CNOT6L: variants seen among roughly 807,000 people sequenced by gnomAD.
CNOT6L encodes CCR4-NOT transcription complex subunit 6 like.
A neutral mutation model predicts 64.0 loss-of-function variants in CNOT6L; 7 were observed. The observed-to-expected ratio is 0.11, with a 90% confidence interval of 0.06 to 0.21. The LOEUF (loss-of-function observed/expected upper bound fraction) is 0.21. CNOT6L is among the 10% of genes least tolerant of loss of function. The pLI is 1.00. For missense variants in CNOT6L, 245 were observed against 669.0 expected (o/e 0.37, Z 6.99); for synonymous variants, 193 against 243.4 (o/e 0.79, Z 1.93).
In CNOT6L at chr4:77,773,179, A is replaced by C; in HGVS notation, c.315-13T>G. 1 of 1,512,538 alleles carries C rather than the reference A, an allele frequency of 6.6e-7. No homozygotes were observed. The highest frequency in any genetic ancestry group is 8.9e-7 in the Non-Finnish European group (1 of 1,127,062). 93.7% of individuals were successfully genotyped at this position (1,512,538 alleles called of 1,614,324 possible). A position where few individuals can be genotyped will look rare whatever the true frequency, so the allele number is the denominator to read the frequency against. On this transcript the variant is annotated splice_polypyrimidine_tract_variant and intron_variant, in intron 3 of 11. Coordinates refer to ENST00000504123, the MANE Select transcript of CNOT6L (RefSeq NM_144571.3). ...TAAAAGCAATTCCCTGTTTTAAAAAAAAAAAAAAAATTAGTTTAATATACT... is the reference window on the plus strand; with the variant it reads ...TAAAAGCAATTCCCTGTTTTAAAAACAAAAAAAAAATTAGTTTAATATACT...
chr4:77,776,457 T>C (rs1728158431), intron 1 of CNOT6L, 65 bp from the exon 2 acceptor site: 1 of 1,188,948 alleles, frequency 8.4e-7, no homozygotes, highest in Non-Finnish European at 1.2e-6. Context: ...AAAGAGAAAA[T>C]AGGATGGTAA....
chr4:77,770,855 G>GA (rs1461887879), intron 4 of CNOT6L, among the ~76,000 whole-genome samples: 1 of 152,078 alleles, frequency 6.6e-6, no homozygotes, highest in African/African-American at 2.4e-5. Flanking sequence ...CTGAATGAAG[G>GA]ACTAAGGAGA....
At chr4:77,800,214 C>T (rs1010560828) in intron 1 of CNOT6L, among the ~76,000 whole-genome samples, 5 of 152,090 alleles carry the variant, frequency 3.3e-5, no homozygotes, top group African/African-American at 1.2e-4. Flanking sequence ...TTAAGTCTTA[C>T]ACAAAGGCCA....
At chr4:77,749,820 T>C (rs948691133) in intron 5 of CNOT6L, among the ~76,000 whole-genome samples, 3 of 152,184 alleles carry the variant, frequency 2.0e-5, no homozygotes, top group Non-Finnish European at 4.4e-5. Flanking sequence ...AGTACAGCTA[T>C]CTTGAGAACA....
Position 77,773,079 on chromosome 4 carries a change from A to G in CNOT6L, c.400+2T>C. 6.3e-7 allele frequency: 1 copy of G among 1,586,694 alleles called. No individual in the cohort carries two copies. The highest frequency in any genetic ancestry group is 8.6e-7 in the Non-Finnish European group (1 of 1,165,184). ...CCTCAAAACTGTTTAAAAATCACTTACCTTTCAAACCTAGAGTTTGTAGCT... is the reference window on the plus strand; with the variant it reads ...CCTCAAAACTGTTTAAAAATCACTTGCCTTTCAAACCTAGAGTTTGTAGCT... On this transcript the variant is annotated splice_donor_variant, in intron 4 of 11. Transcript: ENST00000504123. LOFTEE classifies it high-confidence loss of function.
chr4:77,816,042 C>T (rs987730956), intron 1 of CNOT6L, among the ~76,000 whole-genome samples: 1 of 152,152 alleles, frequency 6.6e-6, no homozygotes, highest in African/African-American at 2.4e-5. Context: ...AAATTAAAGA[C>T]ATTAATAACA....
intron 4 of CNOT6L, among the ~76,000 whole-genome samples, chr4:77,767,972 T>A (rs1455780325): frequency 7.0e-6 from 1 of 142,336 alleles, no homozygotes; most frequent in Non-Finnish European, 1.5e-5. Context: ...AGAGCGAGAC[T>A]TTGTCCCCAA....
intron 1 of CNOT6L, among the ~76,000 whole-genome samples, chr4:77,787,682 T>A (rs947087838): frequency 6.6e-6 from 1 of 152,222 alleles, no homozygotes; most frequent in African/African-American, 2.4e-5. Context: ...CACTATCTAT[T>A]TCTAAATTTG....
At chr4:77,755,241 T>G (rs1337464999) in intron 5 of CNOT6L, among the ~76,000 whole-genome samples, 7 of 128,692 alleles carry the variant, frequency 5.4e-5, no homozygotes, top group African/African-American at 1.5e-4. Flanking sequence ...TTTTTTTTTT[T>G]TTTTTTTTTT....
upstream of CNOT6L, chr4:77,819,377 G>C: frequency 6.6e-7 from 1 of 1,520,298 alleles, no homozygotes; most frequent in East Asian, 2.5e-5. Context: ...ACACAAACAC[G>C]CGCGCGCGCG....
At chr4:77,755,464 T>C (rs1725457505) in intron 5 of CNOT6L, among the ~76,000 whole-genome samples, 1 of 152,074 alleles carries the variant, frequency 6.6e-6, no homozygotes, top group African/African-American at 2.4e-5. Flanking sequence ...ATCTCCCCAC[T>C]TGGCCTCCCA....
At position 77,748,317 on chromosome 4, in the gene CNOT6L, T is replaced by G. The variant is rs749113426; in HGVS notation, c.558A>C (p.Ser186=). 1.2e-6 allele frequency: 2 copies of G among 1,601,538 alleles called. No individual in the cohort carries two copies. The highest frequency in any genetic ancestry group is 1.7e-6 in the Non-Finnish European group (2 of 1,169,070). Residue 186 remains serine, a splice_region_variant and synonymous_variant, in exon 6 of 12, where the codon TCA becomes TCC. Coordinates refer to ENST00000504123, the MANE Select transcript of CNOT6L (RefSeq NM_144571.3). ...GGAAGAATAAGAAAAACTATTTACC[T>G]GACGGCAGAATTTGGTCTCGTTCTT... is the stretch of plus-strand genomic sequence containing the variant. The part of the protein sequence containing the change: ...TLKERDQILP[S]ASFTVMCYNV...
intron 1 of CNOT6L, chr4:77,819,093 C>CACACACACACACACACACACACA: frequency 1.2e-6 from 1 of 813,746 alleles, no homozygotes; most frequent in African/African-American, 1.9e-5. Flanking sequence ...CCTTCGCCCG[C>CACACACACACACACACACACACA]CTCTGAAGAG....
chr4:77,800,980 A>AT (rs2110142293), intron 1 of CNOT6L, among the ~76,000 whole-genome samples: 1 of 152,358 alleles, frequency 6.6e-6, no homozygotes, highest in Non-Finnish European at 1.5e-5. Context: ...CTACAAAAGT[A>AT]TCCACTCTAC....
In CNOT6L at chr4:77,759,362, G is replaced by A. The variant is rs371060863; in HGVS notation, c.401-2411C>T. 1.1e-3 allele frequency among the ~76,000 whole-genome samples: 160 copies of A among 151,856 alleles called. 1 individual carries two copies. The highest frequency in any genetic ancestry group is 3.2e-3 in the African/African-American group (134 of 41,456). The stretch of plus-strand genomic sequence containing the variant: ...GGGTGGATCATGAGGTCAGGAGAGC[G>A]AAACCATCCTGGCTAACACAGTGAA... On this transcript the variant is annotated intron_variant, in intron 4 of 11. Coordinates refer to ENST00000504123, the MANE Select transcript of CNOT6L (RefSeq NM_144571.3).
intron 2 of CNOT6L, among the ~76,000 whole-genome samples, chr4:77,775,401 C>T (rs1251768916): frequency 6.6e-6 from 1 of 152,004 alleles, no homozygotes; most frequent in Non-Finnish European, 1.5e-5. Context: ...AAGAAAAATA[C>T]TTATATTCTA....
intron 1 of CNOT6L, among the ~76,000 whole-genome samples, chr4:77,793,891 C>T (rs1175405500): frequency 6.6e-6 from 1 of 151,906 alleles, no homozygotes; most frequent in Non-Finnish European, 1.5e-5. Flanking sequence ...TGGCTAACAC[C>T]TGTAATCCCA....
chr4:77,732,155 G>A (rs1393240523), intron 8 of CNOT6L, among the ~76,000 whole-genome samples: 1 of 152,064 alleles, frequency 6.6e-6, no homozygotes, highest in Non-Finnish European at 1.5e-5. Context: ...TGGGGTATAA[G>A]TATTCTGAGA....
intron 1 of CNOT6L, among the ~76,000 whole-genome samples, chr4:77,776,607 G>A (rs538934957): frequency 6.6e-6 from 1 of 152,290 alleles, no homozygotes; most frequent in South Asian, 2.1e-4. Context: ...AAGGGAAAAT[G>A]CAAATAAGCA....
Sources: allele counts gnomAD v4.1 joint callset (sites outside exome capture counted in the v4.1 genomes callset), GRCh38; gene constraint gnomAD v4.1.1; transcripts MANE v1.5; gene names NCBI Gene and HGNC (gene_info 2026-07-23, HGNC 2026-07-21).